Variants in RXFP1 observed in about 807,000 individuals in gnomAD.
The protein encoded by RXFP1 is relaxin family peptide receptor 1.
A neutral mutation model predicts 89.8 loss-of-function variants in RXFP1; 73 were observed. The observed-to-expected ratio is 0.81, with a 90% CI of 0.67 to 0.99. RXFP1 has a LOEUF of 0.99. Among genes scored for constraint, RXFP1 ranks in the 50% least tolerant of loss-of-function variants. The pLI, the probability that RXFP1 is intolerant of heterozygous loss-of-function variation, is 0.00. For synonymous variants in RXFP1, 277 were observed against 305.5 expected (o/e 0.91, Z 0.97); for missense variants, 793 against 895.5 (o/e 0.89, Z 1.46).
intron 1 of RXFP1, among the ~76,000 whole-genome samples, chr4:158,524,459 G>A (rs576869142): frequency 2.0e-5 from 3 of 152,230 alleles, no homozygotes; most frequent in Non-Finnish European, 4.4e-5. Flanking sequence ...TGGAGAAGAC[G>A]GCACGTTGAT....
intron 1 of RXFP1, among the ~76,000 whole-genome samples, chr4:158,557,898 T>C (rs1039529484): frequency 3.9e-5 from 6 of 152,220 alleles, no homozygotes; most frequent in Non-Finnish European, 8.8e-5. Flanking sequence ...TTTCTTTTGC[T>C]ACTCGATCTC....
rs545209808 is a variant in RXFP1, at chr4:158,645,165, T to C, written c.1345+27T>C. 49 of 1,533,424 alleles carry C rather than the reference T, an allele frequency of 3.2e-5. No individual in the cohort carries two copies. In the South Asian group the frequency reaches 5.3e-4, roughly 17 times the overall value. The allele number at this position is 1,533,424 out of a possible 1,614,324, so 95.0% of individuals were successfully genotyped here. ...TGAGTATTTCCTGGTTAAAGGAGAA[T>C]TGTAGTTTTGAAATATACAAAAGCT... On this transcript the variant is annotated intron_variant, in intron 15 of 17. Transcript: ENST00000307765.
intron 17 of RXFP1, 34 bp from the exon 18 acceptor site, chr4:158,651,723 T>C (rs1159311446): frequency 6.5e-7 from 1 of 1,530,064 alleles, no homozygotes; most frequent in East Asian, 2.3e-5. Flanking sequence ...TAAACATCTA[T>C]AAACACTAAA....
chr4:158,580,061 G>A (rs539741420), intron 2 of RXFP1, among the ~76,000 whole-genome samples: 1 of 152,298 alleles, frequency 6.6e-6, no homozygotes, highest in Admixed American at 6.5e-5. Context: ...CGGGTGAGAG[G>A]GGAGGCATCA....
chr4:158,529,728 G>A (rs184392601), intron 1 of RXFP1, among the ~76,000 whole-genome samples: 32 of 152,112 alleles, frequency 2.1e-4, no homozygotes, highest in African/African-American at 4.8e-5. Flanking sequence ...CTCCCTTAGC[G>A]CTTAATTTCT....
chr4:158,544,430 C>G (rs1472318158), intron 1 of RXFP1: 1 of 825,610 alleles, frequency 1.2e-6, no homozygotes, highest in Non-Finnish European at 1.4e-6. Context: ...TATAATTGAC[C>G]TTCATCTTTT....
intron 1 of RXFP1, among the ~76,000 whole-genome samples, chr4:158,545,620 T>A (rs1748113658): frequency 6.6e-6 from 1 of 152,212 alleles, no homozygotes. Flanking sequence ...TTGAATTAAT[T>A]TTTGTATAGG....
intron 1 of RXFP1, among the ~76,000 whole-genome samples, chr4:158,567,224 G>A (rs757011827): frequency 3.9e-5 from 6 of 152,084 alleles, no homozygotes; most frequent in Non-Finnish European, 7.4e-5. Flanking sequence ...CCTCCCCGAC[G>A]ACCATGGCCC....
chr4:158,603,956 A>G (rs1328164352), intron 4 of RXFP1, among the ~76,000 whole-genome samples: 2 of 149,704 alleles, frequency 1.3e-5, no homozygotes, highest in Non-Finnish European at 3.0e-5. Context: ...GTTCTTGTGT[A>G]TATCTGCATT....
intron 5 of RXFP1, 97 bp from the exon 6 acceptor site, chr4:158,607,875 T>A: frequency 2.7e-6 from 2 of 745,612 alleles, no homozygotes; most frequent in South Asian, 3.4e-5. Flanking sequence ...CATATTGCTA[T>A]GCTACCATCA....
At chr4:158,645,361 G>A (rs1161717413) in intron 15 of RXFP1, among the ~76,000 whole-genome samples, 1 of 152,136 alleles carries the variant, frequency 6.6e-6, no homozygotes, top group African/African-American at 2.4e-5. Flanking sequence ...GCAAATTAAG[G>A]AAGCTTTCAT....
intron 2 of RXFP1, among the ~76,000 whole-genome samples, chr4:158,582,901 C>CT (rs1757650976): frequency 6.6e-6 from 1 of 152,306 alleles, no homozygotes; most frequent in African/African-American, 2.4e-5. Context: ...CAGCTCTTCT[C>CT]TTTTTTGGTC....
At chr4:158,617,920 A>G (rs1369890497) in intron 9 of RXFP1, among the ~76,000 whole-genome samples, 1 of 152,158 alleles carries the variant, frequency 6.6e-6, no homozygotes, top group Non-Finnish European at 1.5e-5. Flanking sequence ...TAAAAGGAAG[A>G]GGAAAAGTTA....
chr4:158,598,840 G>A (rs1354704873), intron 3 of RXFP1, among the ~76,000 whole-genome samples: 2 of 151,452 alleles, frequency 1.3e-5, no homozygotes, highest in Non-Finnish European at 2.9e-5. Context: ...AAAAACTATA[G>A]ACACTATCAT....
rs1772989318 is a variant in RXFP1 at position 158,652,987 on chromosome 4, C to T, written c.*932C>T. 1 of 152,124 alleles carries T rather than the reference C, an allele frequency of 6.6e-6. No individual in the cohort carries two copies. The highest frequency in any genetic ancestry group is 1.5e-5 in the Non-Finnish European group (1 of 68,030). The allele number at this position is 152,124 out of a possible 1,614,324, so 9.4% of individuals were successfully genotyped here. A position where few individuals can be genotyped will look rare whatever the true frequency, so the allele number is the denominator to read the frequency against. ...GAATGTTATGGTGTGTGAAATATCT[C>T]AGTAAAGCAGTTAAAAGGAAAAAGA... On this transcript the variant is annotated 3_prime_UTR_variant, in exon 18 of 18. Transcript: ENST00000307765.
intron 1 of RXFP1, among the ~76,000 whole-genome samples, chr4:158,548,609 T>C (rs1010338797): frequency 2.0e-5 from 3 of 152,240 alleles, no homozygotes; most frequent in Non-Finnish European, 4.4e-5. Flanking sequence ...TTTCCTTGTT[T>C]AGTGCTTCCT....
At chr4:158,521,766 G>A (rs1165755269), upstream of RXFP1, 3 of 531,614 alleles carry the variant, frequency 5.6e-6, no homozygotes, top group East Asian at 3.1e-5. Context: ...AGGGCGGGGA[G>A]GAGAGATCCT....
chr4:158,618,348 AAAC>A (rs1764984201), intron 9 of RXFP1, among the ~76,000 whole-genome samples: 1 of 152,148 alleles, frequency 6.6e-6, no homozygotes, highest in South Asian at 2.1e-4. Flanking sequence ...AAGCAATAAT[AAAC>A]CTTGCCTTTG....
At chr4:158,593,846 C>T (rs1242472119) in intron 3 of RXFP1, among the ~76,000 whole-genome samples, 12 of 152,188 alleles carry the variant, frequency 7.9e-5, no homozygotes, top group Non-Finnish European at 1.5e-4. Flanking sequence ...GTAAAGAAAA[C>T]AGAGAAAGTA....
Sources: allele counts gnomAD v4.1 joint callset (sites outside exome capture counted in the v4.1 genomes callset), GRCh38; gene constraint gnomAD v4.1.1; transcripts MANE v1.5; gene names NCBI Gene and HGNC (gene_info 2026-07-23, HGNC 2026-07-21).